UBAP2L: variants seen among roughly 807,000 people sequenced by gnomAD.
The protein encoded by UBAP2L is ubiquitin-associated protein 2-like.
Under a neutral mutation model 130.6 loss-of-function variants are expected in UBAP2L, and 12 were observed. That is an observed-to-expected ratio of 0.09 (90% CI 0.06 to 0.15). The LOEUF is 0.15. UBAP2L is among the 10% of genes least tolerant of loss of function. UBAP2L has a pLI of 1.00. For synonymous variants in UBAP2L, 503 were observed against 524.7 expected (o/e 0.96, Z 0.57); for missense variants, 965 against 1,332.5 (o/e 0.72, Z 4.29).
chr1:154,255,605 TTGTTA>T, intron 17 of UBAP2L, 73 bp from the exon 18 acceptor site: 2 of 1,505,346 alleles, frequency 1.3e-6, no homozygotes, highest in Non-Finnish European at 1.8e-6. Flanking sequence ...TCTTATTTCC[TTGTTA>T]TGTTCTTGAC....
chr1:154,248,034 C>T (rs1479499078), intron 11 of UBAP2L, among the ~76,000 whole-genome samples: 5 of 151,374 alleles, frequency 3.3e-5, no homozygotes, highest in Admixed American at 2.6e-4. Context: ...ATGGCGCGAT[C>T]TTGGCTCACC....
intron 1 of UBAP2L, among the ~76,000 whole-genome samples, chr1:154,224,411 A>G (rs1356362666): frequency 6.6e-6 from 1 of 152,212 alleles, no homozygotes; most frequent in Non-Finnish European, 1.5e-5. Context: ...ATTATTTTCC[A>G]GAGAACAGAG....
intron 11 of UBAP2L, among the ~76,000 whole-genome samples, chr1:154,247,217 C>G (rs1675825708): frequency 6.6e-6 from 1 of 152,004 alleles, no homozygotes. Context: ...TAGAAAACTG[C>G]CAAGCTAGCT....
Position 154,253,885 on chromosome 1 carries a change from C to G in UBAP2L, c.1665-15C>G. On this transcript the variant is annotated splice_polypyrimidine_tract_variant and intron_variant, in intron 14 of 26. Transcript: ENST00000428931. ...TATTTTGTTTCTCTGAGATTTTTCT[C>G]TTCGTTACTCACAGTGAATCATCCT... 1 of 1,612,820 alleles carries G rather than the reference C, an allele frequency of 6.2e-7. No homozygotes were observed. The highest frequency in any genetic ancestry group is 8.5e-7 in the Non-Finnish European group (1 of 1,179,684).
In UBAP2L at chr1:154,243,433, C is replaced by T. The variant is rs561759653; in HGVS notation, c.842+131C>T. On this transcript the variant is annotated intron_variant, in intron 10 of 26. Coordinates refer to ENST00000428931, the MANE Select transcript of UBAP2L (RefSeq NM_014847.4). ...ATAACCAAATTACATTACATCATTA[C>T]ATTCCTCTTAAGTTGATGGAGAGAC... 4.5e-5 allele frequency: 30 copies of T among 673,924 alleles called. No individual in the cohort carries two copies. The East Asian group carries it at 8.6e-4, about 19-fold the overall frequency. 41.7% of individuals were successfully genotyped at this position (673,924 alleles called of 1,614,324 possible). A position where few individuals can be genotyped will look rare whatever the true frequency, so the allele number is the denominator to read the frequency against.
At chr1:154,235,967 C>G (rs1331629898) in intron 6 of UBAP2L, among the ~76,000 whole-genome samples, 1 of 152,106 alleles carries the variant, frequency 6.6e-6, no homozygotes, top group Non-Finnish European at 1.5e-5. Context: ...AGGTGTCATG[C>G]ATATACTAGA....
intron 11 of UBAP2L, among the ~76,000 whole-genome samples, chr1:154,248,232 G>T (rs903585140): frequency 5.9e-5 from 9 of 152,132 alleles, no homozygotes; most frequent in African/African-American, 2.2e-4. Context: ...CTCCCAAAGT[G>T]CTGGGATTAC....
intron 1 of UBAP2L, among the ~76,000 whole-genome samples, chr1:154,223,368 G>A (rs142824469): frequency 4.7e-4 from 71 of 152,274 alleles, no homozygotes; most frequent in African/African-American, 1.7e-3. Context: ...ATATTTGTAA[G>A]TTACAGTAGT....
At chr1:154,220,596 C>T (rs1665555649), upstream of UBAP2L, 2 of 617,492 alleles carry the variant, frequency 3.2e-6, no homozygotes, top group Non-Finnish European at 5.7e-6. Flanking sequence ...AGGAGAACGA[C>T]GCCTTCCAGC....
Position 154,257,083 on chromosome 1 carries a change from G to C in UBAP2L, c.2178G>C (p.Glu726Asp). The C allele has an allele frequency of 6.2e-7, 1 of 1,613,704 alleles. No individual in the cohort carries two copies. Among genetic ancestry groups the C allele is most frequent in the South Asian group, 1.1e-5 (1 of 91,076 alleles). The part of the protein sequence containing the change: ...STLLHTSVES[E>D]ANLHSSSSTF... ...TGAAGCACACAAGTGTGGAGAGTGA[G>C]GCGAATCTCCATTCTTCCTCCAGCA... Residue 726 changes from glutamate to aspartate, a missense_variant, in exon 19 of 27, where the codon GAG becomes GAC. Glu to Asp is a conservative substitution (Grantham distance 45). This residue lies in a region of UBAP2L where 393 missense variants were observed against 408.1 expected (regional missense o/e 0.96). Coordinates refer to ENST00000428931, the MANE Select transcript of UBAP2L (RefSeq NM_014847.4).
In UBAP2L at chr1:154,268,906, G is replaced by A. The variant is rs1233410847; in HGVS notation, c.3120G>A (p.Gln1040=). ...APFMHILTPH[Q]QPHSQILHHH... is the part of the protein sequence containing the mutation. ...TTATGCACATTCTGACCCCCCATCA[G>A]CAGCCGCATTCTCAGATCCTTCACC... The change falls in exon 26 of 27, where the codon CAG becomes CAA. Residue 1040 remains glutamine (Q), a synonymous_variant. Coordinates refer to ENST00000428931, the MANE Select transcript of UBAP2L (RefSeq NM_014847.4). 4.3e-6 allele frequency: 7 copies of A among 1,613,108 alleles called. No homozygotes were observed. Among genetic ancestry groups the A allele is most frequent in the Non-Finnish European group, 5.9e-6 (7 of 1,179,816 alleles).
intron 14 of UBAP2L, 55 bp from the exon 15 acceptor site, chr1:154,253,845 T>C (rs1678738142): frequency 6.4e-7 from 1 of 1,557,698 alleles, no homozygotes; most frequent in Non-Finnish European, 8.8e-7. Context: ...TTCCTTAGTA[T>C]GAGTAGATAT....
At chr1:154,254,749 C>G in intron 15 of UBAP2L, 87 bp from the exon 16 acceptor site, 1 of 1,401,530 alleles carries the variant, frequency 7.1e-7, no homozygotes, top group Non-Finnish European at 9.8e-7. Context: ...GATTTGTTGA[C>G]CAAAATAAAG....
chr1:154,234,880 C>T (rs1350499172), intron 5 of UBAP2L, 121 bp downstream of exon 5: 15 of 1,396,818 alleles, frequency 1.1e-5, no homozygotes, highest in South Asian at 6.5e-5. Context: ...CTTTTCTTGC[C>T]GTCGTCTGTT....
chr1:154,231,300 T>C (rs1220038036), intron 4 of UBAP2L, among the ~76,000 whole-genome samples: 1 of 151,496 alleles, frequency 6.6e-6, no homozygotes, highest in Non-Finnish European at 1.5e-5. Flanking sequence ...TTTTTTTTTT[T>C]TTCTTTTTTC....
intron 26 of UBAP2L, 100 bp downstream of exon 26, chr1:154,269,054 C>G: frequency 7.3e-7 from 1 of 1,370,062 alleles, no homozygotes; most frequent in Non-Finnish European, 1.0e-6. Flanking sequence ...CCACCACCTT[C>G]ACCCAATCCC....
At position 154,237,083 on chromosome 1, in the gene UBAP2L, G is replaced by A. The variant is rs377614945; in HGVS notation, c.650G>A (p.Ser217Asn). ...AATACTGATGATAACTATGGCAATA[G>A]CAGCGGCAATACGTGGAACAACACT... Reference protein sequence around the residue: ...PANTDDNYGNSSGNTWNNTGH... With the variant: ...PANTDDNYGNNSGNTWNNTGH... Residue 217 changes from serine to asparagine, a missense_variant, in exon 8 of 27, where the codon AGC becomes AAC. Physicochemically the swap from Ser to Asn is conservative, Grantham distance 46 (BLOSUM62 1). Coordinates refer to ENST00000428931, the MANE Select transcript of UBAP2L (RefSeq NM_014847.4). 3.1e-6 allele frequency: 5 copies of A among 1,614,054 alleles called. No homozygotes were observed. The African/African-American group carries it at 6.7e-5, about 22-fold the overall frequency.
intron 3 of UBAP2L, among the ~76,000 whole-genome samples, chr1:154,228,221 T>C (rs867920321): frequency 7.9e-5 from 12 of 152,066 alleles, no homozygotes; most frequent in African/African-American, 2.7e-4. Flanking sequence ...GGAGTCTTGC[T>C]CTGTGGTCCA....
rs1044665519 is a variant in UBAP2L at position 154,259,095 on chromosome 1, C to G, written c.2496+65C>G. On this transcript the variant is annotated intron_variant, in intron 21 of 26. Transcript: ENST00000428931. ...TTAAAATTAGTGTTGGGAGAATTAT[C>G]TCCGTCACAGACATAGCTCTTTCCC... The G allele has an allele frequency of 7.1e-6, 10 of 1,402,886 alleles. No homozygotes were observed. The Admixed American group carries it at 1.5e-4, about 21-fold the overall frequency. The allele number at this position is 1,402,886 out of a possible 1,614,324, so 86.9% of individuals were successfully genotyped here. A position where few individuals can be genotyped will look rare whatever the true frequency, so the allele number is the denominator to read the frequency against.
Sources: allele counts gnomAD v4.1 joint callset (sites outside exome capture counted in the v4.1 genomes callset), GRCh38; gene constraint gnomAD v4.1.1; regional missense constraint gnomAD v4.1.1; transcripts MANE v1.5; gene names NCBI Gene and HGNC (gene_info 2026-07-23, HGNC 2026-07-21).